LRRC1: variants seen among roughly 807,000 people sequenced by gnomAD.
LRRC1 encodes the protein leucine-rich repeat-containing protein 1.
Under a neutral mutation model 69.9 loss-of-function variants are expected in LRRC1, and 28 were observed. The observed-to-expected ratio is 0.40, with a 90% confidence interval of 0.30 to 0.55. The LOEUF (loss-of-function observed/expected upper bound fraction) is 0.55. LRRC1 is among the 20% of genes least tolerant of loss of function. The pLI is 0.47. For synonymous variants in LRRC1, 236 were observed against 240.2 expected, an observed-to-expected ratio of 0.98 and a Z score of 0.16; for missense variants, 498 against 609.0, an observed-to-expected ratio of 0.82 and a Z score of 1.92.
intron 10 of LRRC1, among the ~76,000 whole-genome samples, chr6:53,907,353 AAAC>A (rs2127439387): frequency 6.6e-6 from 1 of 152,318 alleles, no homozygotes; most frequent in South Asian, 2.1e-4. Context: ...CCTTTAAAAA[AAAC>A]AACAACATTT....
intron 2 of LRRC1, among the ~76,000 whole-genome samples, chr6:53,875,693 A>G (rs1429873527): frequency 6.6e-6 from 1 of 152,240 alleles, no homozygotes; most frequent in Admixed American, 6.5e-5. Flanking sequence ...TTACAACAGA[A>G]TGCCATCAGT....
intron 10 of LRRC1, among the ~76,000 whole-genome samples, chr6:53,906,678 A>T (rs1768248702): frequency 6.6e-6 from 1 of 152,256 alleles, no homozygotes; most frequent in African/African-American, 2.4e-5. Flanking sequence ...ATTTACTAGA[A>T]CAGTTTTTCA....
intron 4 of LRRC1, among the ~76,000 whole-genome samples, chr6:53,887,708 C>T (rs1767534194): frequency 6.6e-6 from 1 of 151,992 alleles, no homozygotes. Context: ...ATTAGTGTCT[C>T]CCCTCTTTCA....
intron 11 of LRRC1, among the ~76,000 whole-genome samples, chr6:53,914,316 C>T (rs1410759990): frequency 1.3e-5 from 2 of 152,112 alleles, no homozygotes; most frequent in Non-Finnish European, 2.9e-5. Context: ...TTTTGTAAAT[C>T]ATCATGGGCT....
chr6:53,872,374 C>T (rs1350540152), intron 2 of LRRC1, among the ~76,000 whole-genome samples: 2 of 152,166 alleles, frequency 1.3e-5, no homozygotes, highest in Non-Finnish European at 2.9e-5. Context: ...GCAGTATACA[C>T]TGAACCCAAT....
intron 3 of LRRC1, among the ~76,000 whole-genome samples, chr6:53,882,636 TTTAA>T (rs898959779): frequency 1.3e-5 from 2 of 152,218 alleles, no homozygotes; most frequent in African/African-American, 4.8e-5. Context: ...ATCTTTCTAC[TTTAA>T]TTATTTCTAG....
At chr6:53,828,387 G>A (rs992954681) in intron 1 of LRRC1, among the ~76,000 whole-genome samples, 7 of 152,210 alleles carry the variant, frequency 4.6e-5, no homozygotes, top group African/African-American at 1.7e-4. Flanking sequence ...TCTGAGCCAG[G>A]CAGGCTGATG....
At chr6:53,796,498 C>T (rs1029130846) in intron 1 of LRRC1, among the ~76,000 whole-genome samples, 2 of 152,178 alleles carry the variant, frequency 1.3e-5, no homozygotes, top group Non-Finnish European at 2.9e-5. Flanking sequence ...TCTTGTTGCC[C>T]TTTAGTTAAC....
At chr6:53,845,625 G>T (rs1765919007) in intron 2 of LRRC1, among the ~76,000 whole-genome samples, 1 of 152,306 alleles carries the variant, frequency 6.6e-6, no homozygotes, top group East Asian at 1.9e-4. Context: ...GTCATGATAG[G>T]ACCTTCCTTA....
intron 1 of LRRC1, among the ~76,000 whole-genome samples, chr6:53,829,831 C>T (rs545543927): frequency 6.6e-6 from 1 of 152,212 alleles, no homozygotes; most frequent in African/African-American, 2.4e-5. Flanking sequence ...CTTCCTGGTG[C>T]AGGAATGCTG....
rs191605645 is a variant in LRRC1, at chr6:53,835,252, C to T, written c.160-6858C>T. Among the ~76,000 whole-genome samples, 401 of 152,340 alleles carry T rather than the reference C, an allele frequency of 2.6e-3. 1 individual carries two copies. The highest frequency in any genetic ancestry group is 5.6e-3 in the Admixed American group (85 of 15,300). ...CCATCGTTTTCCATTTCCTAGGCAA[C>T]TGCTAATCTACTTTCTGTAATTTTA... is the stretch of plus-strand genomic sequence containing the variant. On this transcript the variant is annotated intron_variant, in intron 1 of 13. Coordinates refer to ENST00000370888, the MANE Select transcript of LRRC1 (RefSeq NM_018214.5).
At chr6:53,884,437 G>A (rs1048539507) in intron 4 of LRRC1, among the ~76,000 whole-genome samples, 5 of 152,174 alleles carry the variant, frequency 3.3e-5, no homozygotes, top group African/African-American at 1.2e-4. Flanking sequence ...AGCCCAGAAG[G>A]TTGAGGCTGC....
chr6:53,801,778 G>A (rs942784078), intron 1 of LRRC1, among the ~76,000 whole-genome samples: 1 of 152,150 alleles, frequency 6.6e-6, no homozygotes, highest in Non-Finnish European at 1.5e-5. Flanking sequence ...TAATGGGTTA[G>A]TGGAGATTAG....
chr6:53,859,061 CAGA>C (rs1276311467), intron 2 of LRRC1, among the ~76,000 whole-genome samples: 1 of 152,090 alleles, frequency 6.6e-6, no homozygotes, highest in East Asian at 1.9e-4. Context: ...ACAAGTATAG[CAGA>C]AGGAAGATTC....
chr6:53,834,769 C>T (rs552121730), intron 1 of LRRC1, among the ~76,000 whole-genome samples: 1 of 152,060 alleles, frequency 6.6e-6, no homozygotes, highest in Non-Finnish European at 1.5e-5. Context: ...GTCAGGAGAT[C>T]GAGGCCATCC....
chr6:53,848,723 G>A (rs888396104), intron 2 of LRRC1, among the ~76,000 whole-genome samples: 1 of 151,766 alleles, frequency 6.6e-6, no homozygotes, highest in Non-Finnish European at 1.5e-5. Flanking sequence ...TATGACTGAT[G>A]AATAAGTTGT....
At chr6:53,863,221 A>G (rs1039830690) in intron 2 of LRRC1, among the ~76,000 whole-genome samples, 1 of 152,162 alleles carries the variant, frequency 6.6e-6, no homozygotes, top group Non-Finnish European at 1.5e-5. Flanking sequence ...ATAGGATCCT[A>G]TGTTTTCTGC....
In LRRC1 at chr6:53,919,654, TGAACC is replaced by T; in HGVS notation, c.1264_1268del (p.Glu422TyrfsTer18). 6.2e-7 allele frequency: 1 copy of T among 1,612,532 alleles called. No individual in the cohort carries two copies. The highest frequency in any genetic ancestry group is 8.5e-7 in the Non-Finnish European group (1 of 1,179,600). On this transcript the variant is annotated frameshift_variant, in exon 12 of 14. Coordinates refer to ENST00000370888, the MANE Select transcript of LRRC1 (RefSeq NM_018214.5). LOFTEE classifies it high-confidence loss of function. Reference sequence around the variant, plus strand: ...GTGTCTTACTTCCTCAGCTGCCTTCTGAACCTACTTGTCAAGGTGAATTTAATTTA... The same window carrying T: ...GTGTCTTACTTCCTCAGCTGCCTTCTTACTTGTCAAGGTGAATTTAATTTA...
Position 53,899,785 on chromosome 6 carries a change from C to T in LRRC1, c.681C>T (p.Val227=). The change falls in exon 8 of 14, where the codon GTC becomes GTT. Residue 227 remains valine, a synonymous_variant. Coordinates refer to ENST00000370888, the MANE Select transcript of LRRC1 (RefSeq NM_018214.5). ...TGAAGAACCTGCTGTGTTTAGATGTCTCTGAAAACAGGTTGGAAAGACTTC... is the reference window on the plus strand; with the variant it reads ...TGAAGAACCTGCTGTGTTTAGATGTTTCTGAAAACAGGTTGGAAAGACTTC... ...GNLKNLLCLD[V]SENRLERLPE... is the part of the protein sequence containing the mutation. The T allele has an allele frequency of 5.6e-6, 9 of 1,614,046 alleles. No homozygotes were observed. Among genetic ancestry groups the T allele is most frequent in the Non-Finnish European group, 7.6e-6 (9 of 1,179,924 alleles).
Sources: allele counts gnomAD v4.1 joint callset (sites outside exome capture counted in the v4.1 genomes callset), GRCh38; gene constraint gnomAD v4.1.1; transcripts MANE v1.5; gene names NCBI Gene and HGNC (gene_info 2026-07-23, HGNC 2026-07-21).